TBC1D5: variants seen among roughly 807,000 people sequenced by gnomAD.
TBC1D5 encodes the protein TBC1 domain family member 5, also known as TBC1 domain family, member 5.
A neutral mutation model predicts 100.3 loss-of-function variants in TBC1D5; 75 were observed. The observed-to-expected ratio is 0.75, with a 90% confidence interval of 0.62 to 0.91. The LOEUF (loss-of-function observed/expected upper bound fraction) is 0.91. Among genes scored for constraint, TBC1D5 ranks in the 40% least tolerant of loss-of-function variants. The pLI, the probability that TBC1D5 is intolerant of heterozygous loss-of-function variation, is 0.00. For missense variants in TBC1D5, 910 were observed against 942.4 expected, an observed-to-expected ratio of 0.97 and a Z score of 0.45; for synonymous variants, 323 against 325.6, an observed-to-expected ratio of 0.99 and a Z score of 0.09.
At chr3:17,326,654 T>G (rs2086187456) in intron 13 of TBC1D5, among the ~76,000 whole-genome samples, 1 of 152,154 alleles carries the variant, frequency 6.6e-6, no homozygotes, top group African/African-American at 2.4e-5. Context: ...ATTTATTTTT[T>G]GTAGAGATGG....
At chr3:17,512,284 C>CA (rs1325565761) in intron 2 of TBC1D5, among the ~76,000 whole-genome samples, 1 of 151,912 alleles carries the variant, frequency 6.6e-6, no homozygotes, top group Admixed American at 6.5e-5. Context: ...CTGCAAATAT[C>CA]AAACTATAAA....
intron 17 of TBC1D5, among the ~76,000 whole-genome samples, chr3:17,216,251 A>T (rs764739320): frequency 9.9e-5 from 15 of 152,092 alleles, no homozygotes; most frequent in Non-Finnish European, 1.9e-4. Context: ...TTGAACTAAC[A>T]TCATGCTCTT....
At chr3:17,735,283 T>C (rs1423411663) in intron 1 of TBC1D5, among the ~76,000 whole-genome samples, 2 of 152,186 alleles carry the variant, frequency 1.3e-5, no homozygotes, top group Non-Finnish European at 2.9e-5. Flanking sequence ...GGACTACTTA[T>C]GGTACATTCA....
chr3:17,364,967 A>T (rs1290720707), intron 13 of TBC1D5, among the ~76,000 whole-genome samples: 1 of 152,160 alleles, frequency 6.6e-6, no homozygotes, highest in Non-Finnish European at 1.5e-5. Flanking sequence ...TTTTTAAAAC[A>T]TTTACTTAGT....
At chr3:17,345,577 C>A (rs1209444731) in intron 13 of TBC1D5, among the ~76,000 whole-genome samples, 12 of 151,928 alleles carry the variant, frequency 7.9e-5, no homozygotes, top group African/African-American at 2.9e-4. Context: ...TGAGTATATA[C>A]CCAAAGGACT....
chr3:17,272,368 G>A (rs1454004741), intron 15 of TBC1D5, among the ~76,000 whole-genome samples: 1 of 152,126 alleles, frequency 6.6e-6, no homozygotes, highest in East Asian at 1.9e-4. Context: ...GAAAGAATTA[G>A]CTCATTTATG....
chr3:17,454,353 A>C (rs990389266), intron 3 of TBC1D5, among the ~76,000 whole-genome samples: 1 of 152,192 alleles, frequency 6.6e-6, no homozygotes. Context: ...AAATGATATG[A>C]TCTTATATTT....
intron 3 of TBC1D5, among the ~76,000 whole-genome samples, chr3:17,498,414 G>C (rs967894208): frequency 1.3e-5 from 2 of 152,140 alleles, no homozygotes; most frequent in African/African-American, 2.4e-5. Context: ...TTTGAGCTTA[G>C]ATTAATGACA....
At chr3:17,381,317 T>C (rs1368210597) in intron 9 of TBC1D5, among the ~76,000 whole-genome samples, 1 of 152,096 alleles carries the variant, frequency 6.6e-6, no homozygotes, top group African/African-American at 2.4e-5. Context: ...AATCTATTTT[T>C]TCTTTCTCTA....
chr3:17,699,526 TA>T (rs1255787167), intron 1 of TBC1D5, among the ~76,000 whole-genome samples: 1 of 108,780 alleles, frequency 9.2e-6, no homozygotes, highest in African/African-American at 3.1e-5. Context: ...ACATGTACCC[TA>T]AAACTTAAAG....
intron 4 of TBC1D5, among the ~76,000 whole-genome samples, chr3:17,412,758 G>T (rs192178387): frequency 3.6e-4 from 55 of 152,062 alleles, no homozygotes; most frequent in East Asian, 3.3e-3. Context: ...AGGAAAGTAA[G>T]GTTCAGAAAA....
At chr3:17,376,695 C>T in intron 9 of TBC1D5, 82 bp from the exon 10 acceptor site, 18 of 1,167,788 alleles carry the variant, frequency 1.5e-5, no homozygotes, top group Non-Finnish European at 2.1e-5. Flanking sequence ...TTAAATACTT[C>T]TTCAAACCAA....
intron 16 of TBC1D5, among the ~76,000 whole-genome samples, chr3:17,250,101 T>A (rs2077059763): frequency 6.6e-6 from 1 of 152,248 alleles, no homozygotes; most frequent in South Asian, 2.1e-4. Context: ...GGTGTGCTTG[T>A]AATAATACAC....
chr3:17,246,315 G>C (rs2076733782), intron 16 of TBC1D5, among the ~76,000 whole-genome samples: 2 of 152,122 alleles, frequency 1.3e-5, no homozygotes, highest in African/African-American at 4.8e-5. Flanking sequence ...CATGTTCATG[G>C]ATTAGATAAT....
chr3:17,185,003 AG>A (rs2068854285), intron 19 of TBC1D5, 105 bp downstream of exon 20: 2 of 861,472 alleles, frequency 2.3e-6, no homozygotes, highest in Admixed American at 2.3e-5. Context: ...GGATTAAATA[AG>A]GTAATTCATG....
intron 18 of TBC1D5, among the ~76,000 whole-genome samples, chr3:17,190,516 A>G (rs1238374061): frequency 6.6e-6 from 1 of 152,204 alleles, no homozygotes; most frequent in Non-Finnish European, 1.5e-5. Context: ...GAGCCAGAAC[A>G]TGGGGATAGT....
intron 13 of TBC1D5, among the ~76,000 whole-genome samples, chr3:17,314,303 G>C (rs192244130): frequency 6.6e-6 from 1 of 152,168 alleles, no homozygotes; most frequent in African/African-American, 2.4e-5. Context: ...GACCACAGAT[G>C]ATCTTGATCT....
At chr3:17,572,568 T>C (rs1039908829) in intron 2 of TBC1D5, among the ~76,000 whole-genome samples, 2 of 152,032 alleles carry the variant, frequency 1.3e-5, no homozygotes, top group African/African-American at 4.8e-5. Context: ...AATAGTAACA[T>C]AGTACCTTTC....
intron 2 of TBC1D5, among the ~76,000 whole-genome samples, chr3:17,585,817 T>C (rs1389327510): frequency 6.6e-6 from 1 of 152,200 alleles, no homozygotes; most frequent in African/African-American, 2.4e-5. Context: ...CGGTTTCATT[T>C]ATACCTATAG....
Sources: gnomAD v4.1 joint callset for allele counts (sites outside exome capture counted in the v4.1 genomes callset) on GRCh38, gnomAD v4.1.1 for gene constraint, MANE v1.5 for transcripts, NCBI Gene and HGNC (gene_info 2026-07-23, HGNC 2026-07-21) for gene names.